TXNRD1: variants seen among roughly 807,000 people sequenced by gnomAD.
TXNRD1 encodes the protein thioredoxin reductase 1, cytoplasmic.
In TXNRD1, 57 loss-of-function variants were observed where a neutral mutation model predicts 80.3. That is an observed-to-expected ratio of 0.71 (90% CI 0.57 to 0.89). TXNRD1 has a LOEUF of 0.89. Among genes scored for constraint, TXNRD1 ranks in the 40% least tolerant of loss-of-function variants. TXNRD1 has a pLI of 0.00. For missense variants in TXNRD1, 730 were observed against 803.0 expected (o/e 0.91, Z 1.10); for synonymous variants, 291 against 285.2 (o/e 1.02, Z -0.20).
chr12:104,326,840 ATGTT>A (rs2035783867), intron 12 of TXNRD1, among the ~76,000 whole-genome samples: 1 of 150,166 alleles, frequency 6.7e-6, no homozygotes, highest in Non-Finnish European at 1.5e-5. Context: ...TTTTGTTGGT[ATGTT>A]TGTTTTTTTG....
At chr12:104,259,336 G>A (rs1038123867) in intron 3 of TXNRD1, among the ~76,000 whole-genome samples, 3 of 148,994 alleles carry the variant, frequency 2.0e-5, no homozygotes, top group Non-Finnish European at 4.4e-5. Context: ...AGCCAAGATC[G>A]CACCACAGCA....
intron 2 of TXNRD1, among the ~76,000 whole-genome samples, chr12:104,252,929 C>T (rs1185673716): frequency 6.6e-6 from 1 of 151,476 alleles, no homozygotes; most frequent in Non-Finnish European, 1.5e-5. Context: ...GCCTCGATCT[C>T]CTGACCTTGT....
chr12:104,341,074 G>A (rs2036309547), intron 16 of TXNRD1, among the ~76,000 whole-genome samples: 1 of 152,206 alleles, frequency 6.6e-6, no homozygotes, highest in South Asian at 2.1e-4. Flanking sequence ...GTACATGGCA[G>A]CATCTGGCAG....
chr12:104,235,398 T>A (rs1203888387), intron 1 of TXNRD1, among the ~76,000 whole-genome samples: 1 of 152,134 alleles, frequency 6.6e-6, no homozygotes. Flanking sequence ...TTACCGTACC[T>A]AGGGGCAAGG....
intron 4 of TXNRD1, chr12:104,289,514 G>C (rs565886274): frequency 6.6e-4 from 102 of 153,896 alleles, no homozygotes; most frequent in African/African-American, 2.3e-3. Flanking sequence ...CAACCAGGAA[G>C]CTCTTGGGGT....
intron 1 of TXNRD1, among the ~76,000 whole-genome samples, chr12:104,239,733 T>G (rs12307391): frequency 3.3e-5 from 5 of 151,986 alleles, no homozygotes; most frequent in Non-Finnish European, 2.9e-5. Flanking sequence ...TCCACCCACC[T>G]TGGCCTCCCA....
Position 104,348,633 on chromosome 12 carries a change from TGA to T in TXNRD1, c.*213_*214del, listed in dbSNP as rs1593896241. On this transcript the variant is annotated 3_prime_UTR_variant, in exon 17 of 17. Coordinates refer to ENST00000525566, the MANE Select transcript of TXNRD1 (RefSeq NM_001093771.3). ...CTGGGGTCACTGACAGACTTGAAGC[TGA>T]CATTTGGCAGGGCATCGAAGGGATG... The T allele has an allele frequency of 3.6e-5, 20 of 550,066 alleles. No homozygotes were observed. The East Asian group carries it at 5.9e-4, about 16-fold the overall frequency. The allele number at this position is 550,066 out of a possible 1,614,324, so 34.1% of individuals were successfully genotyped here. A position where few individuals can be genotyped will look rare whatever the true frequency, so the allele number is the denominator to read the frequency against.
intron 4 of TXNRD1, chr12:104,304,291 T>G (rs2034785792): frequency 4.3e-6 from 7 of 1,614,042 alleles, no homozygotes; most frequent in Middle Eastern, 1.6e-4. Context: ...AGTTAGCATT[T>G]TGTGACTTTC....
At chr12:104,230,855 C>A (rs1053928548) in intron 1 of TXNRD1, among the ~76,000 whole-genome samples, 19 of 152,138 alleles carry the variant, frequency 1.2e-4, no homozygotes, top group African/African-American at 4.6e-4. Flanking sequence ...GCATGTCATT[C>A]ACGAAGCCCC....
intron 3 of TXNRD1, chr12:104,287,149 C>T: frequency 6.5e-7 from 1 of 1,543,150 alleles, no homozygotes. Flanking sequence ...AAGCCGCGAG[C>T]CCAGGGATGG....
intron 2 of TXNRD1, among the ~76,000 whole-genome samples, chr12:104,252,497 C>T (rs181091284): frequency 3.3e-5 from 5 of 150,602 alleles, no homozygotes; most frequent in Admixed American, 1.3e-4. Flanking sequence ...TAACCATTAA[C>T]GAAGGTGAGA....
At position 104,260,310 on chromosome 12, in the gene TXNRD1, AT is replaced by A. The variant is rs545114122; in HGVS notation, c.304+2232del. Reference sequence around the variant, plus strand: ...TGGAGAAACCCCGTCTGTACTAAAAATACAAAATTAGCCGGGCATGGTGGCT... The same window carrying A: ...TGGAGAAACCCCGTCTGTACTAAAAAACAAAATTAGCCGGGCATGGTGGCT... On this transcript the variant is annotated intron_variant, in intron 3 of 16. Transcript: ENST00000525566. Among the ~76,000 whole-genome samples, 428 of 152,240 alleles carry A rather than the reference AT, an allele frequency of 2.8e-3. 2 individuals are homozygous for A. Among genetic ancestry groups the A allele is most frequent in the African/African-American group, 9.9e-3 (410 of 41,540 alleles).
chr12:104,346,118 T>C, intron 16 of TXNRD1: 1 of 623,810 alleles, frequency 1.6e-6, no homozygotes, highest in Non-Finnish European at 2.6e-6. Flanking sequence ...GCTCAAGCGA[T>C]GTTCCTGCCT....
rs56077479 is a variant in TXNRD1, at chr12:104,229,144, CTTT to C, written c.91+13270_91+13272del. Among the ~76,000 whole-genome samples the C allele has an allele frequency of 4.7e-4, 50 of 106,070 alleles. 1 individual carries two copies. Among genetic ancestry groups the C allele is most frequent in the African/African-American group, 5.8e-4 (14 of 24,268 alleles). 69.6% of individuals were successfully genotyped at this position (106,070 alleles called of 152,430 possible). On this transcript the variant is annotated intron_variant, in intron 1 of 16. Transcript: ENST00000525566. ...TTTGCCTATTCCGAGCATTACTTTT[CTTT>C]TTTTTTTTTTTTTTTTTTGAGACAG...
intron 4 of TXNRD1, among the ~76,000 whole-genome samples, chr12:104,290,746 T>TATATATAC (rs1456641906): frequency 8.5e-6 from 1 of 117,652 alleles, no homozygotes; most frequent in Non-Finnish European, 1.7e-5. Flanking sequence ...TATATATATA[T>TATATATAC]ATATATATAT....
In TXNRD1 at chr12:104,321,305, G is replaced by A. The variant is rs199586854; in HGVS notation, c.1204G>A (p.Val402Ile). ...EHGIKFIRQF[V>I]PIKVEQIEAG... ...TGGCATCAAGTTTATAAGACAGTTC[G>A]TACCAATTAAAGTAAGTGGGTTTGC... Residue 402 changes from valine (V) to isoleucine (I), a missense_variant, in exon 10 of 17, where the codon GTA (valine) becomes ATA (isoleucine). Coordinates refer to ENST00000525566, the MANE Select transcript of TXNRD1 (RefSeq NM_001093771.3). 4.0e-4 allele frequency: 651 copies of A among 1,613,664 alleles called. No individual in the cohort carries two copies. Among genetic ancestry groups the A allele is most frequent in the South Asian group, 6.8e-4 (62 of 91,070 alleles).
intron 4 of TXNRD1, among the ~76,000 whole-genome samples, chr12:104,310,753 A>T (rs1437255087): frequency 1.3e-5 from 2 of 152,234 alleles, no homozygotes; most frequent in African/African-American, 4.8e-5. Context: ...AGCTTTGCAG[A>T]GTTGTGCCTA....
At chr12:104,282,480 T>A (rs542835980) in intron 3 of TXNRD1, among the ~76,000 whole-genome samples, 2 of 152,290 alleles carry the variant, frequency 1.3e-5, no homozygotes, top group African/African-American at 4.8e-5. Context: ...TTAGAAAGAT[T>A]TCTTCCCTAG....
At chr12:104,303,387 T>C (rs541294514) in intron 4 of TXNRD1, among the ~76,000 whole-genome samples, 2 of 152,358 alleles carry the variant, frequency 1.3e-5, no homozygotes, top group East Asian at 3.9e-4. Context: ...TCCAGCCAGA[T>C]TTAGTTCACA....
Sources: gnomAD v4.1 joint callset for allele counts (sites outside exome capture counted in the v4.1 genomes callset) on GRCh38, gnomAD v4.1.1 for gene constraint, MANE v1.5 for transcripts, NCBI Gene and HGNC (gene_info 2026-07-23, HGNC 2026-07-21) for gene names.